The following THSD7B variants were observed in gnomAD, a reference collection of about 807,000 sequenced individuals.
THSD7B encodes thrombospondin type-1 domain-containing protein 7B.
THSD7B carries 138 observed loss-of-function variants against 213.6 expected under a neutral mutation model. The observed-to-expected ratio is 0.65, with a 90% CI of 0.56 to 0.74. The LOEUF (loss-of-function observed/expected upper bound fraction) is 0.74. THSD7B is among the 30% of genes least tolerant of loss of function. The pLI, the probability that THSD7B is intolerant of heterozygous loss-of-function variation, is 0.00. For missense variants in THSD7B, 1,931 were observed against 1,991.5 expected, an observed-to-expected ratio of 0.97 and a Z score of 0.58; for synonymous variants, 742 against 687.0, an observed-to-expected ratio of 1.08 and a Z score of -1.25.
intron 10 of THSD7B, among the ~76,000 whole-genome samples, chr2:137,254,623 G>C (rs1159760683): frequency 6.6e-6 from 1 of 152,074 alleles, no homozygotes; most frequent in African/African-American, 2.4e-5. Flanking sequence ...ACAGTATTTT[G>C]AATTTTAGTT....
chr2:137,536,648 G>A (rs761384404), intron 15 of THSD7B, among the ~76,000 whole-genome samples: 2 of 151,044 alleles, frequency 1.3e-5, no homozygotes, highest in Non-Finnish European at 3.0e-5. Context: ...TATTTAACAA[G>A]AGACTAAGTA....
At chr2:137,444,124 C>CA (rs1169243290) in intron 14 of THSD7B, among the ~76,000 whole-genome samples, 1 of 151,966 alleles carries the variant, frequency 6.6e-6, no homozygotes, top group Non-Finnish European at 1.5e-5. Context: ...ATAACCTAGG[C>CA]ACTTTTTAAC....
intron 3 of THSD7B, among the ~76,000 whole-genome samples, chr2:137,075,187 A>G (rs1041045526): frequency 2.0e-5 from 3 of 152,198 alleles, no homozygotes; most frequent in Non-Finnish European, 4.4e-5. Context: ...GTATTTTCCA[A>G]CTTGGTTCCA....
intron 1 of THSD7B, among the ~76,000 whole-genome samples, chr2:136,803,410 A>T (rs1195422695): frequency 6.6e-6 from 1 of 152,174 alleles, no homozygotes; most frequent in Non-Finnish European, 1.5e-5. Flanking sequence ...GAACATGTCA[A>T]ATTTTAAAGC....
At chr2:136,911,109 G>A (rs1381832666) in intron 2 of THSD7B, among the ~76,000 whole-genome samples, 3 of 152,066 alleles carry the variant, frequency 2.0e-5, no homozygotes, top group African/African-American at 7.2e-5. Flanking sequence ...GAAATAACTT[G>A]GGAAATATTA....
At chr2:137,323,354 C>T (rs1558757854) in intron 12 of THSD7B, among the ~76,000 whole-genome samples, 2 of 152,118 alleles carry the variant, frequency 1.3e-5, no homozygotes, top group Non-Finnish European at 2.9e-5. Flanking sequence ...CAGTTCCTGT[C>T]CCCCATGAGA....
chr2:137,310,276 G>A (rs1459346430), intron 12 of THSD7B, among the ~76,000 whole-genome samples: 7 of 151,462 alleles, frequency 4.6e-5, no homozygotes, highest in South Asian at 4.3e-4. Flanking sequence ...ATTTTTTCAT[G>A]TGTTTTTTGG....
intron 1 of THSD7B, among the ~76,000 whole-genome samples, chr2:136,854,858 G>A (rs1048467925): frequency 6.6e-6 from 1 of 152,044 alleles, no homozygotes; most frequent in Non-Finnish European, 1.5e-5. Flanking sequence ...TTGATTGCTA[G>A]TATCTGTAGC....
intron 12 of THSD7B, among the ~76,000 whole-genome samples, chr2:137,317,038 G>A (rs1215662606): frequency 2.0e-5 from 3 of 152,160 alleles, no homozygotes; most frequent in Non-Finnish European, 4.4e-5. Flanking sequence ...GAAGTCTTTT[G>A]TAAACATAAT....
intron 7 of THSD7B, among the ~76,000 whole-genome samples, chr2:137,183,795 T>A (rs1451994832): frequency 4.6e-5 from 7 of 152,090 alleles, no homozygotes; most frequent in Non-Finnish European, 1.0e-4. Flanking sequence ...GGAAAGAACA[T>A]CTATGGAAAA....
chr2:137,354,093 A>G (rs1685073742), intron 12 of THSD7B, among the ~76,000 whole-genome samples: 1 of 151,962 alleles, frequency 6.6e-6, no homozygotes, highest in South Asian at 2.1e-4. Context: ...TCTGCTTGAA[A>G]TGATAACTAT....
At chr2:137,626,259 G>A (rs894790805) in intron 20 of THSD7B, among the ~76,000 whole-genome samples, 4 of 152,202 alleles carry the variant, frequency 2.6e-5, no homozygotes, top group Middle Eastern at 3.4e-3. Context: ...TCAGGAGATC[G>A]AGACCATCAT....
chr2:137,295,972 A>T (rs544597642), intron 12 of THSD7B, among the ~76,000 whole-genome samples: 8 of 152,170 alleles, frequency 5.3e-5, no homozygotes, highest in African/African-American at 1.9e-4. Context: ...AGCTTGTTTG[A>T]ATTTGTTTTA....
intron 12 of THSD7B, among the ~76,000 whole-genome samples, chr2:137,301,218 C>G (rs1683592912): frequency 6.6e-6 from 1 of 152,080 alleles, no homozygotes; most frequent in Non-Finnish European, 1.5e-5. Context: ...ACTGCTGCTC[C>G]TGAGTTTCCC....
intron 1 of THSD7B, among the ~76,000 whole-genome samples, chr2:136,879,162 A>G (rs929890050): frequency 1.3e-5 from 2 of 152,176 alleles, no homozygotes; most frequent in Admixed American, 1.3e-4. Flanking sequence ...AGCACCATTT[A>G]TTAAATAGGG....
In THSD7B at chr2:137,517,914, T is replaced by G. The variant is rs4527255; in HGVS notation, c.3139-45307T>G. On this transcript the variant is annotated intron_variant, in intron 15 of 27. Transcript: ENST00000409968. ...CTTTGGTGGAAACTGAATGTTTGACTGTGGGTCATCAAGTCACCATGCAAC... is the reference window on the plus strand; with the variant it reads ...CTTTGGTGGAAACTGAATGTTTGACGGTGGGTCATCAAGTCACCATGCAAC... Among the ~76,000 whole-genome samples the G allele has an allele frequency of 9.5e-3, 1,451 of 152,324 alleles. 9 individuals carry two copies. Among genetic ancestry groups the G allele is most frequent in the South Asian group, 0.023 (109 of 4,830 alleles).
intron 12 of THSD7B, among the ~76,000 whole-genome samples, chr2:137,361,359 A>G (rs148146156): frequency 4.6e-5 from 7 of 152,216 alleles, no homozygotes; most frequent in Non-Finnish European, 1.0e-4. Flanking sequence ...CAGCAATGGA[A>G]CAAAGCTAGA....
chr2:136,766,962 CTG>C (rs1276257047), intron 1 of THSD7B, among the ~76,000 whole-genome samples: 1 of 149,778 alleles, frequency 6.7e-6, no homozygotes, highest in Non-Finnish European at 1.5e-5. Flanking sequence ...GCCAACCAGA[CTG>C]TGGTGGGGTG....
At chr2:137,225,911 T>C (rs1407428699) in intron 7 of THSD7B, among the ~76,000 whole-genome samples, 1 of 151,806 alleles carries the variant, frequency 6.6e-6, no homozygotes. Context: ...TAGCTTTTGT[T>C]CCATATTTTA....
Sources: allele counts gnomAD v4.1 joint callset (sites outside exome capture counted in the v4.1 genomes callset), GRCh38; gene constraint gnomAD v4.1.1; transcripts MANE v1.5; gene names NCBI Gene and HGNC (gene_info 2026-07-23, HGNC 2026-07-21).